The following MGST1 variants were observed in gnomAD, a reference collection of about 807,000 sequenced individuals.
The protein encoded by MGST1 is glutathione S-transferase 12.
A neutral mutation model predicts 8.9 loss-of-function variants in MGST1; 5 were observed. The observed-to-expected ratio is 0.56, with a 90% CI of 0.29 to 1.19. The LOEUF (loss-of-function observed/expected upper bound fraction) is 1.19. Ranked by LOEUF, MGST1 falls within the 50% of genes most tolerant of loss-of-function variation. The probability of loss-of-function intolerance (pLI) is 0.08; values close to 1 mark genes in which losing one functional copy is unlikely to be tolerated. For missense variants in MGST1, 182 were observed against 187.4 expected (o/e 0.97, Z 0.17); for synonymous variants, 54 against 67.8 (o/e 0.80, Z 1.00).
At chr12:16,505,677 A>T (rs1941533743) in intron 4 of MGST1, among the ~76,000 whole-genome samples, 1 of 152,078 alleles carries the variant, frequency 6.6e-6, no homozygotes, top group South Asian at 2.1e-4. Flanking sequence ...CCAACATTTT[A>T]TTCTAGATTT....
chr12:16,558,089 TA>T (rs1431410446), intron 4 of MGST1, among the ~76,000 whole-genome samples: 2 of 151,834 alleles, frequency 1.3e-5, no homozygotes, highest in African/African-American at 4.8e-5. Context: ...TAATGGCAGG[TA>T]AAAAAGGCAC....
At chr12:16,551,340 T>C in intron 4 of MGST1, 1 of 1,475,892 alleles carries the variant, frequency 6.8e-7, no homozygotes, top group African/African-American at 1.4e-5. Flanking sequence ...GAAAATATTT[T>C]AAACAATAAA....
intron 4 of MGST1, among the ~76,000 whole-genome samples, chr12:16,536,747 A>G (rs967330871): frequency 1.3e-5 from 2 of 152,184 alleles, no homozygotes; most frequent in African/African-American, 4.8e-5. Flanking sequence ...CAATAAAACC[A>G]TCAAATCTCA....
chr12:16,528,862 T>C (rs1167867135), intron 4 of MGST1, among the ~76,000 whole-genome samples: 1 of 152,018 alleles, frequency 6.6e-6, no homozygotes, highest in Non-Finnish European at 1.5e-5. Flanking sequence ...GAAGGGTGAA[T>C]GCCATTTTAC....
At chr12:16,429,854 A>G (rs1348500463) in intron 1 of MGST1, among the ~76,000 whole-genome samples, 1 of 152,084 alleles carries the variant, frequency 6.6e-6, no homozygotes, top group East Asian at 1.9e-4. Context: ...GGCTGTGGCA[A>G]TTTTTAAAAT....
rs73066119 is a variant in MGST1, at chr12:16,400,644, A to C, written n.778+17040A>C. ...GCTTGGTATGTAATTTCTTTGACAA[A>C]AGTCGCTTCAGGGTTAGGAAAGATG... On this transcript the variant is annotated intron_variant and non_coding_transcript_variant, in intron 1 of 1. Transcript: ENST00000359720. 1.4e-3 allele frequency: 2,074 copies of C among 1,486,230 alleles called. 11 individuals carry two copies. The highest frequency in any genetic ancestry group is 6.3e-4 in the Non-Finnish European group (677 of 1,066,162). The allele number at this position is 1,486,230 out of a possible 1,614,324, so 92.1% of individuals were successfully genotyped here.
chr12:16,535,164 C>G (rs550899817), intron 4 of MGST1, among the ~76,000 whole-genome samples: 2 of 152,320 alleles, frequency 1.3e-5, no homozygotes, highest in South Asian at 4.1e-4. Flanking sequence ...TTAATTAACT[C>G]CTCCTCTTAT....
chr12:16,389,405 T>C lies in MGST1; in HGVS notation n.778+5801T>C, dbSNP rs139910374. On this transcript the variant is annotated intron_variant and non_coding_transcript_variant, in intron 1 of 1. Coordinates refer to the MGST1 transcript ENST00000359720. The surrounding 1 kb of genome is among the most constrained non-coding windows in gnomAD (Gnocchi z 4.6). ...AAGACCATTTAAACCAGACTGTAGT[T>C]GAACTAAAATAAATAAGGTCTCTTT... Among the ~76,000 whole-genome samples, 26 of 152,348 alleles carry C rather than the reference T, an allele frequency of 1.7e-4. No homozygotes were observed. Among genetic ancestry groups the C allele is most frequent in the African/African-American group, 6.0e-4 (25 of 41,584 alleles).
At chr12:16,476,609 G>A (rs570807740) in intron 4 of MGST1, among the ~76,000 whole-genome samples, 1 of 152,100 alleles carries the variant, frequency 6.6e-6, no homozygotes, top group East Asian at 1.9e-4. Context: ...CGTCATAGTT[G>A]GTTAAACATA....
chr12:16,426,096 A>G (rs1940883891), intron 1 of MGST1, among the ~76,000 whole-genome samples: 1 of 152,124 alleles, frequency 6.6e-6, no homozygotes, highest in Non-Finnish European at 1.5e-5. Flanking sequence ...TGGCTTTCTA[A>G]AGGGATATCG....
At chr12:16,487,229 C>T (rs1311370807) in intron 4 of MGST1, among the ~76,000 whole-genome samples, 3 of 152,066 alleles carry the variant, frequency 2.0e-5, no homozygotes, top group Non-Finnish European at 4.4e-5. Flanking sequence ...GAGTAAACCC[C>T]AGAGATTTTC....
At chr12:16,382,423 G>C (rs1291542821), upstream of MGST1, among the ~76,000 whole-genome samples, 1 of 152,140 alleles carries the variant, frequency 6.6e-6, no homozygotes, top group East Asian at 1.9e-4. Context: ...TGTTTGCCTG[G>C]GTATCAGCAG....
chr12:16,392,324 A>C (rs1023987320), intron 1 of MGST1, among the ~76,000 whole-genome samples: 2 of 152,210 alleles, frequency 1.3e-5, no homozygotes, highest in Admixed American at 1.3e-4. Flanking sequence ...GAACAAGATA[A>C]TTCTTTCCAC....
chr12:16,460,256 T>C (rs1335787148), intron 4 of MGST1, among the ~76,000 whole-genome samples: 1 of 152,176 alleles, frequency 6.6e-6, no homozygotes, highest in Non-Finnish European at 1.5e-5. Context: ...ATGTCCACTT[T>C]AGCTATTATC....
intron 4 of MGST1, among the ~76,000 whole-genome samples, chr12:16,474,048 G>T (rs1565461128): frequency 6.6e-6 from 1 of 152,128 alleles, no homozygotes; most frequent in Non-Finnish European, 1.5e-5. Flanking sequence ...ATACTGGAAC[G>T]GAGTGAACAA....
intron 1 of MGST1, among the ~76,000 whole-genome samples, chr12:16,419,174 G>A (rs756991000): frequency 1.3e-5 from 2 of 152,052 alleles, no homozygotes; most frequent in East Asian, 1.9e-4. Context: ...TTCTTTCCCC[G>A]TGTTAGGGAT....
intron 1 of MGST1, among the ~76,000 whole-genome samples, chr12:16,394,424 TCCTC>T (rs1263346415): frequency 3.3e-5 from 5 of 151,280 alleles, no homozygotes; most frequent in Non-Finnish European, 5.9e-5. Context: ...CTCACTCTCT[TCCTC>T]CCTCCCTCCC....
chr12:16,536,231 C>T (rs1941756435), intron 4 of MGST1, among the ~76,000 whole-genome samples: 1 of 151,936 alleles, frequency 6.6e-6, no homozygotes, highest in South Asian at 2.1e-4. Flanking sequence ...ATTATTTTAA[C>T]CATTTAGATT....
At chr12:16,409,175 A>G (rs1940720163) in intron 1 of MGST1, among the ~76,000 whole-genome samples, 1 of 152,150 alleles carries the variant, frequency 6.6e-6, no homozygotes, top group South Asian at 2.1e-4. Context: ...TTCCTTGAAC[A>G]GTTCACAAAG....
Sources: gnomAD v4.1 joint callset for allele counts (sites outside exome capture counted in the v4.1 genomes callset) on GRCh38, gnomAD v4.1.1 for gene constraint, Gnocchi (gnomAD v3.1) non-coding constraint, MANE v1.5 for transcripts, NCBI Gene and HGNC (gene_info 2026-07-23, HGNC 2026-07-21) for gene names.